RUNDC3B: variants seen among roughly 807,000 people sequenced by gnomAD.
RUNDC3B encodes the protein RUN domain-containing protein 3B.
RUNDC3B carries 33 observed loss-of-function variants against 58.4 expected under a neutral mutation model. The ratio of observed to expected loss-of-function variants is 0.56; its 90% CI spans 0.43 to 0.75. RUNDC3B has a LOEUF of 0.75. RUNDC3B is among the 30% of genes least tolerant of loss of function. RUNDC3B has a pLI of 0.00. For missense variants in RUNDC3B, 501 were observed against 535.7 expected, an observed-to-expected ratio of 0.94 and a Z score of 0.64; for synonymous variants, 193 against 195.2, an observed-to-expected ratio of 0.99 and a Z score of 0.10.
intron 2 of RUNDC3B, among the ~76,000 whole-genome samples, chr7:87,689,344 C>T (rs1287519481): frequency 6.6e-6 from 1 of 152,046 alleles, no homozygotes; most frequent in Non-Finnish European, 1.5e-5. Flanking sequence ...ATTAATGAGA[C>T]ATTTCCAGTT....
chr7:87,747,073 G>T (rs1832681838), intron 6 of RUNDC3B, among the ~76,000 whole-genome samples: 1 of 152,122 alleles, frequency 6.6e-6, no homozygotes, highest in Non-Finnish European at 1.5e-5. Context: ...ACCAGGGTTG[G>T]TTTTCTGGTT....
intron 10 of RUNDC3B, among the ~76,000 whole-genome samples, chr7:87,820,687 A>G (rs1454907849): frequency 6.6e-6 from 1 of 152,086 alleles, no homozygotes; most frequent in African/African-American, 2.4e-5. Flanking sequence ...AAGCTTATCC[A>G]CCATGATCAA....
intron 8 of RUNDC3B, among the ~76,000 whole-genome samples, chr7:87,805,414 G>A (rs889809330): frequency 1.3e-5 from 2 of 152,150 alleles, no homozygotes; most frequent in Non-Finnish European, 2.9e-5. Context: ...GGAAATAGAT[G>A]CTGTGTGGGA....
intron 8 of RUNDC3B, among the ~76,000 whole-genome samples, chr7:87,796,666 G>GA (rs1439948195): frequency 6.6e-6 from 1 of 152,028 alleles, no homozygotes; most frequent in Non-Finnish European, 1.5e-5. Context: ...TGTGCTAAAA[G>GA]AAAAAAACTG....
chr7:87,731,893 G>T (rs1831597796), intron 4 of RUNDC3B, among the ~76,000 whole-genome samples: 1 of 152,170 alleles, frequency 6.6e-6, no homozygotes, highest in African/African-American at 2.4e-5. Flanking sequence ...ACATCGGGTT[G>T]GAGGTGGACT....
chr7:87,710,131 G>A (rs1829939785), intron 3 of RUNDC3B, among the ~76,000 whole-genome samples: 1 of 152,068 alleles, frequency 6.6e-6, no homozygotes, highest in Admixed American at 6.5e-5. Flanking sequence ...GGATAGGATT[G>A]AAAATTTTCT....
intron 1 of RUNDC3B, among the ~76,000 whole-genome samples, chr7:87,631,709 T>A (rs985130070): frequency 5.9e-5 from 9 of 152,194 alleles, no homozygotes; most frequent in Admixed American, 6.5e-5. Context: ...TATTTTTATA[T>A]CTCAAATCAG....
At chr7:87,664,862 G>A (rs1006082021) in intron 2 of RUNDC3B, among the ~76,000 whole-genome samples, 5 of 152,100 alleles carry the variant, frequency 3.3e-5, no homozygotes, top group African/African-American at 1.2e-4. Flanking sequence ...TAAATTTATA[G>A]ATTCAAGAAG....
intron 4 of RUNDC3B, among the ~76,000 whole-genome samples, chr7:87,734,547 A>G (rs561174339): frequency 6.6e-6 from 1 of 152,244 alleles, no homozygotes; most frequent in African/African-American, 2.4e-5. Flanking sequence ...CTACCTTAAA[A>G]AAAAGATTCT....
At chr7:87,694,877 T>A (rs892377982) in intron 2 of RUNDC3B, among the ~76,000 whole-genome samples, 8 of 152,178 alleles carry the variant, frequency 5.3e-5, no homozygotes, top group South Asian at 2.1e-4. Context: ...AATCTTTTTG[T>A]TTTGGAAAAT....
intron 10 of RUNDC3B, among the ~76,000 whole-genome samples, chr7:87,827,029 T>C (rs759793732): frequency 1.3e-5 from 2 of 152,120 alleles, no homozygotes; most frequent in Non-Finnish European, 2.9e-5. Flanking sequence ...AAATAATTTG[T>C]CACAGCAGAG....
At chr7:87,654,864 G>T (rs1343354251) in intron 2 of RUNDC3B, among the ~76,000 whole-genome samples, 2 of 151,840 alleles carry the variant, frequency 1.3e-5, no homozygotes, top group African/African-American at 4.8e-5. Context: ...AAAATAAATA[G>T]CCTGATTTAG....
chr7:87,757,948 C>T (rs910514631), intron 6 of RUNDC3B, among the ~76,000 whole-genome samples: 1 of 152,066 alleles, frequency 6.6e-6, no homozygotes, highest in African/African-American at 2.4e-5. Flanking sequence ...ACTGGATATT[C>T]GTATGCAAAA....
intron 4 of RUNDC3B, among the ~76,000 whole-genome samples, chr7:87,739,289 C>T (rs554115457): frequency 6.6e-6 from 1 of 151,996 alleles, no homozygotes; most frequent in South Asian, 2.1e-4. Flanking sequence ...TTAAGGTTAC[C>T]ATAAATTACT....
Position 87,628,932 on chromosome 7 carries a change from A to C in RUNDC3B, c.109A>C (p.Ile37Leu). 1 of 1,310,206 alleles carries C rather than the reference A, an allele frequency of 7.6e-7. No homozygotes were observed. The highest frequency in any genetic ancestry group is 9.8e-7 in the Non-Finnish European group (1 of 1,020,680). The allele number at this position is 1,310,206 out of a possible 1,614,324, so 81.2% of individuals were successfully genotyped here. A position where few individuals can be genotyped will look rare whatever the true frequency, so the allele number is the denominator to read the frequency against. The change falls in exon 1 of 11, where the codon ATC becomes CTC. Residue 37 changes from isoleucine to leucine, a missense_variant. By Grantham distance (5) the Ile-to-Leu change is conservative. Coordinates refer to ENST00000394654, the MANE Select transcript of RUNDC3B (RefSeq NM_001134405.2). Reference sequence around the variant, plus strand: ...TGCTGCGGTGGAGAGGAGGAACCTGATCACCGTGTGCAGGTACGGCAGCGC... The same window carrying C: ...TGCTGCGGTGGAGAGGAGGAACCTGCTCACCGTGTGCAGGTACGGCAGCGC... Reference protein sequence around the residue: ...RNAAVERRNLITVCRFSVKTL... With the variant: ...RNAAVERRNLLTVCRFSVKTL...
At position 87,823,823 on chromosome 7, in the gene RUNDC3B, CATAT is replaced by C. The variant is rs140928571; in HGVS notation, c.1226-6054_1226-6051del. ...ACACACACACACACACACACACACA[CATAT>C]ATATATACACACTCACCTACATACA... is the stretch of plus-strand genomic sequence containing the variant. On this transcript the variant is annotated intron_variant, in intron 10 of 10. Transcript: ENST00000394654. Among the ~76,000 whole-genome samples, 1,221 of 146,870 alleles carry C rather than the reference CATAT, an allele frequency of 8.3e-3. 55 individuals carry two copies. The East Asian group carries it at 0.14, about 17-fold the overall frequency.
intron 6 of RUNDC3B, among the ~76,000 whole-genome samples, chr7:87,769,157 C>T (rs10245617): frequency 0.048 from 7,340 of 151,500 alleles, 265 homozygotes; most frequent in East Asian, 0.092. Flanking sequence ...TGTGCCACCA[C>T]GCCCAGCTAT....
chr7:87,655,610 A>G (rs113381413), intron 2 of RUNDC3B, among the ~76,000 whole-genome samples: 26 of 152,308 alleles, frequency 1.7e-4, no homozygotes, highest in African/African-American at 6.3e-4. Flanking sequence ...ATAAAAATTC[A>G]GTTAAAAGGA....
chr7:87,747,293 G>A (rs558672717), intron 6 of RUNDC3B, among the ~76,000 whole-genome samples: 2 of 152,274 alleles, frequency 1.3e-5, no homozygotes, highest in African/African-American at 4.8e-5. Context: ...GCTTCTACTG[G>A]GGGGGTGTGT....
Sources: allele counts gnomAD v4.1 joint callset (sites outside exome capture counted in the v4.1 genomes callset), GRCh38; gene constraint gnomAD v4.1.1; transcripts MANE v1.5; gene names NCBI Gene and HGNC (gene_info 2026-07-23, HGNC 2026-07-21).